The following TRAF5 variants were observed in gnomAD, a reference collection of about 807,000 sequenced individuals.
TRAF5 encodes the protein TNF receptor-associated factor 5.
In TRAF5, 48 loss-of-function variants were observed where a neutral mutation model predicts 64.5. That is an observed-to-expected ratio of 0.74 (90% CI 0.59 to 0.95). The LOEUF (loss-of-function observed/expected upper bound fraction) is 0.95, where lower values mean the gene tolerates loss of function less well. TRAF5 is among the 40% of genes least tolerant of loss of function. The pLI, the probability that TRAF5 is intolerant of heterozygous loss-of-function variation, is 0.00. For missense variants in TRAF5, 545 were observed against 662.8 expected (o/e 0.82, Z 1.95); for synonymous variants, 206 against 240.5 (o/e 0.86, Z 1.33).
intron 1 of TRAF5, among the ~76,000 whole-genome samples, chr1:211,352,337 G>A (rs1397419419): frequency 6.7e-6 from 1 of 149,376 alleles, no homozygotes; most frequent in Non-Finnish European, 1.5e-5. Context: ...GAACAGCACA[G>A]GAAAGACCAT....
intron 1 of TRAF5, among the ~76,000 whole-genome samples, chr1:211,344,257 G>A (rs1393277586): frequency 6.6e-6 from 1 of 152,208 alleles, no homozygotes; most frequent in Non-Finnish European, 1.5e-5. Context: ...TGTACCGCCA[G>A]GAGAATGGGG....
chr1:211,338,661 G>A (rs565651074), intron 1 of TRAF5, among the ~76,000 whole-genome samples: 1 of 152,222 alleles, frequency 6.6e-6, no homozygotes, highest in East Asian at 1.9e-4. Flanking sequence ...GTCTCACTCT[G>A]TTGTCCAGGC....
intron 7 of TRAF5, among the ~76,000 whole-genome samples, chr1:211,364,996 A>C (rs1300772612): frequency 6.6e-6 from 1 of 152,012 alleles, no homozygotes; most frequent in African/African-American, 2.4e-5. Flanking sequence ...AACATGGTGA[A>C]ACTCTGTCTC....
Position 211,350,390 on chromosome 1 carries a change from G to GAACAAA in TRAF5, c.-1-2821_-1-2816dup, listed in dbSNP as rs10536055. Among the ~76,000 whole-genome samples the GAACAAA allele has an allele frequency of 9.1e-4, 135 of 148,634 alleles. 1 individual carries two copies. The highest frequency in any genetic ancestry group is 3.3e-3 in the African/African-American group (133 of 40,060). ...TGGCATAGAGTGTGGTGTATTAGAA[G>GAACAAA]AACAAAAACAAAAACAAAAACAAAA... On this transcript the variant is annotated intron_variant, in intron 1 of 10. Coordinates refer to ENST00000261464, the MANE Select transcript of TRAF5 (RefSeq NM_001033910.3).
intron 3 of TRAF5, 84 bp from the exon 4 acceptor site, chr1:211,356,283 A>G: frequency 8.9e-7 from 1 of 1,128,694 alleles, no homozygotes; most frequent in South Asian, 1.4e-5. Flanking sequence ...TCTGAGATAC[A>G]CTCGAAGACC....
At chr1:211,343,657 T>C (rs1702508105) in intron 1 of TRAF5, among the ~76,000 whole-genome samples, 1 of 152,148 alleles carries the variant, frequency 6.6e-6, no homozygotes, top group Non-Finnish European at 1.5e-5. Context: ...GTACTTGTAA[T>C]CCTAACCCAT....
chr1:211,371,200 G>T, intron 9 of TRAF5, 102 bp from the exon 10 acceptor site: 1 of 1,076,374 alleles, frequency 9.3e-7, no homozygotes. Context: ...TCTGTTAATT[G>T]ATTAAATGTG....
At chr1:211,361,718 A>C in intron 7 of TRAF5, among the ~76,000 whole-genome samples, 1 of 64,418 alleles carries the variant, frequency 1.6e-5, no homozygotes, top group South Asian at 5.3e-4. Context: ...TTTTTTTTTG[A>C]GACAGAGTCT....
At chr1:211,364,384 G>A (rs1037004059) in intron 7 of TRAF5, among the ~76,000 whole-genome samples, 7 of 152,136 alleles carry the variant, frequency 4.6e-5, no homozygotes, top group Non-Finnish European at 1.0e-4. Context: ...AACTAGCGTT[G>A]ACTTAAAACT....
At chr1:211,364,723 G>A (rs1703293591) in intron 7 of TRAF5, among the ~76,000 whole-genome samples, 1 of 151,632 alleles carries the variant, frequency 6.6e-6, no homozygotes, top group Admixed American at 6.6e-5. Context: ...CTGATTTGAA[G>A]ATAACCCTCA....
intron 1 of TRAF5, among the ~76,000 whole-genome samples, chr1:211,342,835 G>C (rs986726962): frequency 6.6e-6 from 1 of 152,164 alleles, no homozygotes; most frequent in South Asian, 2.1e-4. Context: ...ATAGGATCTT[G>C]TTCTTTTCTA....
chr1:211,340,790 C>T (rs1408112633), intron 1 of TRAF5, among the ~76,000 whole-genome samples: 1 of 152,266 alleles, frequency 6.6e-6, no homozygotes, highest in Non-Finnish European at 1.5e-5. Flanking sequence ...TTCTTACCAC[C>T]TGTTTCTCTG....
chr1:211,353,116 C>T, intron 1 of TRAF5, 123 bp from the exon 2 acceptor site: 1 of 1,002,334 alleles, frequency 1.0e-6, no homozygotes, highest in Non-Finnish European at 1.5e-6. Context: ...TTCAGAGTCA[C>T]AACAGAATGA....
chr1:211,328,561 G>T (rs991611611), intron 1 of TRAF5, among the ~76,000 whole-genome samples: 2 of 152,194 alleles, frequency 1.3e-5, no homozygotes, highest in South Asian at 2.1e-4. Flanking sequence ...TGGAAAGAGT[G>T]TGGAAAAGAG....
chr1:211,331,252 G>A (rs561825932), intron 1 of TRAF5, among the ~76,000 whole-genome samples: 2 of 152,216 alleles, frequency 1.3e-5, no homozygotes, highest in East Asian at 3.9e-4. Flanking sequence ...CTGCAGAGGG[G>A]CCTCTTTAAT....
At chr1:211,362,309 A>G (rs1335697703) in intron 7 of TRAF5, among the ~76,000 whole-genome samples, 1 of 152,214 alleles carries the variant, frequency 6.6e-6, no homozygotes, top group Non-Finnish European at 1.5e-5. Flanking sequence ...ATTTTCTGTA[A>G]ATCTAAAATT....
At chr1:211,351,849 C>G (rs1485564727) in intron 1 of TRAF5, among the ~76,000 whole-genome samples, 1 of 152,214 alleles carries the variant, frequency 6.6e-6, no homozygotes. Context: ...TAGTACTACA[C>G]TGTCTTGATT....
intron 3 of TRAF5, 67 bp from the exon 4 acceptor site, chr1:211,356,300 G>A (rs571649232): frequency 2.0e-5 from 28 of 1,378,604 alleles, no homozygotes; most frequent in African/African-American, 1.3e-4. Context: ...GACCAAATTA[G>A]TAATAGCTTA....
intron 9 of TRAF5, among the ~76,000 whole-genome samples, chr1:211,370,231 T>C (rs1262793470): frequency 2.6e-5 from 4 of 152,142 alleles, no homozygotes; most frequent in Non-Finnish European, 5.9e-5. Flanking sequence ...AAATGAATTC[T>C]GATGAATAAT....
Sources: gnomAD v4.1 joint callset for allele counts (sites outside exome capture counted in the v4.1 genomes callset) on GRCh38, gnomAD v4.1.1 for gene constraint, MANE v1.5 for transcripts, NCBI Gene and HGNC (gene_info 2026-07-23, HGNC 2026-07-21) for gene names.